The following NUP93 variants were observed in gnomAD, a reference collection of about 807,000 sequenced individuals.
NUP93 encodes nucleoporin 93, also known as nuclear pore complex protein Nup93.
In NUP93, 55 loss-of-function variants were observed where a neutral mutation model predicts 107.8. The ratio of observed to expected loss-of-function variants is 0.51; its 90% CI spans 0.41 to 0.64. NUP93 has a LOEUF of 0.64. Ranked by LOEUF, NUP93 falls within the 30% of genes least tolerant of loss-of-function variation. NUP93 has a pLI of 0.00. For missense variants in NUP93, 937 were observed against 1,044.7 expected, an observed-to-expected ratio of 0.90 and a Z score of 1.42; for synonymous variants, 390 against 397.5, an observed-to-expected ratio of 0.98 and a Z score of 0.22.
At chr16:56,757,365 G>A (rs1962043517) in intron 2 of NUP93, among the ~76,000 whole-genome samples, 1 of 152,072 alleles carries the variant, frequency 6.6e-6, no homozygotes, top group African/African-American at 2.4e-5. Context: ...CTGTAATCCC[G>A]GCACTTTTGG....
At chr16:56,789,878 C>G (rs542879052) in intron 3 of NUP93, among the ~76,000 whole-genome samples, 1 of 152,276 alleles carries the variant, frequency 6.6e-6, no homozygotes, top group African/African-American at 2.4e-5. Context: ...GCAGGTGGAT[C>G]ACCTAAGGTC....
chr16:56,772,656 C>T (rs1962343758), intron 3 of NUP93, among the ~76,000 whole-genome samples: 1 of 152,208 alleles, frequency 6.6e-6, no homozygotes, highest in South Asian at 2.1e-4. Context: ...GCCCTACATA[C>T]TCTCCTTACT....
intron 3 of NUP93, among the ~76,000 whole-genome samples, chr16:56,782,810 G>T (rs1351474269): frequency 1.3e-5 from 2 of 152,146 alleles, no homozygotes; most frequent in Non-Finnish European, 2.9e-5. Context: ...CTTGAAATGA[G>T]AAGAACTAAA....
chr16:56,792,648 C>G (rs1165833054), intron 3 of NUP93, among the ~76,000 whole-genome samples: 3 of 152,178 alleles, frequency 2.0e-5, no homozygotes, highest in African/African-American at 7.2e-5. Context: ...GGGCTAGAAC[C>G]AGATGTGTGT....
At chr16:56,762,242 G>A (rs1290985689) in intron 3 of NUP93, among the ~76,000 whole-genome samples, 3 of 152,124 alleles carry the variant, frequency 2.0e-5, no homozygotes, top group South Asian at 2.1e-4. Context: ...TCATGGATAC[G>A]TGTATTATAT....
At chr16:56,826,084 G>A (rs1400311225) in intron 8 of NUP93, among the ~76,000 whole-genome samples, 1 of 152,182 alleles carries the variant, frequency 6.6e-6, no homozygotes, top group Non-Finnish European at 1.5e-5. Context: ...AGCCCTCAAG[G>A]AATTTAGACT....
chr16:56,774,555 T>C (rs1962378156), intron 3 of NUP93, among the ~76,000 whole-genome samples: 1 of 152,234 alleles, frequency 6.6e-6, no homozygotes. Flanking sequence ...AGTATTTCTT[T>C]GGAAATGTCT....
chr16:56,820,509 G>T (rs1324644905), intron 6 of NUP93, among the ~76,000 whole-genome samples: 2 of 152,170 alleles, frequency 1.3e-5, no homozygotes, highest in African/African-American at 2.4e-5. Flanking sequence ...ACAGACCAGG[G>T]TTTCACCATG....
At chr16:56,762,363 T>C (rs926731349) in intron 3 of NUP93, among the ~76,000 whole-genome samples, 4 of 152,200 alleles carry the variant, frequency 2.6e-5, no homozygotes, top group African/African-American at 9.7e-5. Flanking sequence ...GCCATGAAAA[T>C]GGGAGCTGCA....
intron 1 of NUP93, 77 bp from the exon 2 acceptor site, chr16:56,748,157 G>A: frequency 9.9e-7 from 1 of 1,013,248 alleles, no homozygotes; most frequent in Non-Finnish European, 1.5e-6. Context: ...GTTTTGTTAA[G>A]CTTGTAACAG....
rs1596854959 is a variant in NUP93 at position 56,832,354 on chromosome 16, C to G, written c.1311C>G (p.Leu437=). 2 of 1,614,154 alleles carry G rather than the reference C, an allele frequency of 1.2e-6. No homozygotes were observed. The highest frequency in any genetic ancestry group is 2.2e-5 in the East Asian group (1 of 44,890). The change falls in exon 12 of 22, where the codon CTC becomes CTG. Residue 437 remains leucine (L), a synonymous_variant. Coordinates refer to ENST00000308159, the MANE Select transcript of NUP93 (RefSeq NM_014669.5). ...GCTCCCCACAAGACAGGCTCACTCT[C>G]TCACAGTTCCAGAAGCAGTTGTTGG... The part of the protein sequence containing the change: ...GTSSPQDRLT[L]SQFQKQLLED...
At chr16:56,744,984 C>G (rs185263890) in intron 1 of NUP93, among the ~76,000 whole-genome samples, 2 of 152,308 alleles carry the variant, frequency 1.3e-5, no homozygotes, top group African/African-American at 2.4e-5. Flanking sequence ...AAAATGAGTA[C>G]CTGCTATGTG....
At chr16:56,739,518 G>A (rs1365557785) in intron 1 of NUP93, among the ~76,000 whole-genome samples, 1 of 116,248 alleles carries the variant, frequency 8.6e-6, no homozygotes, top group African/African-American at 3.4e-5. Flanking sequence ...TGGCCGGGCG[G>A]GGGGGCTGAC....
At chr16:56,767,783 C>T (rs187384382) in intron 3 of NUP93, among the ~76,000 whole-genome samples, 72 of 152,272 alleles carry the variant, frequency 4.7e-4, no homozygotes, top group Middle Eastern at 3.4e-3. Context: ...CAGGGCCTGG[C>T]GGACCCTTGA....
chr16:56,816,252 T>C (rs1398671889), intron 5 of NUP93, among the ~76,000 whole-genome samples: 1 of 152,258 alleles, frequency 6.6e-6, no homozygotes, highest in Non-Finnish European at 1.5e-5. Flanking sequence ...TGCTCATTAA[T>C]AGCTGTTGTT....
chr16:56,842,944 C>G (rs1263557292), intron 21 of NUP93, among the ~76,000 whole-genome samples: 1 of 152,138 alleles, frequency 6.6e-6, no homozygotes, highest in Non-Finnish European at 1.5e-5. Context: ...AACATCAGAC[C>G]TGGTTTTGGC....
intron 3 of NUP93, among the ~76,000 whole-genome samples, chr16:56,775,538 AGTAGAACTGGAAACGTTTTG>A (rs1962400529): frequency 7.4e-6 from 1 of 134,894 alleles, no homozygotes; most frequent in Non-Finnish European, 1.6e-5. Context: ...ATGGCAAAGT[AGTAGAACTGGAAACGTTTTG>A]GTCTCCTCAG....
chr16:56,760,046 C>A (rs1391460663), intron 3 of NUP93, among the ~76,000 whole-genome samples: 1 of 152,130 alleles, frequency 6.6e-6, no homozygotes, highest in Non-Finnish European at 1.5e-5. Flanking sequence ...TCATAATGAT[C>A]ATTTCATCTA....
chr16:56,839,484 G>A, intron 19 of NUP93, 37 bp from the exon 20 acceptor site: 3 of 1,531,882 alleles, frequency 2.0e-6, no homozygotes, highest in Middle Eastern at 1.8e-4. Flanking sequence ...TGACTGTGAT[G>A]GTTGTGTTAC....
Sources: gnomAD v4.1 joint callset for allele counts (sites outside exome capture counted in the v4.1 genomes callset) on GRCh38, gnomAD v4.1.1 for gene constraint, MANE v1.5 for transcripts, NCBI Gene and HGNC (gene_info 2026-07-23, HGNC 2026-07-21) for gene names.